The following PLCB4 variants were observed in gnomAD, a reference collection of about 807,000 sequenced individuals.
PLCB4 encodes the protein 1-phosphatidylinositol 4,5-bisphosphate phosphodiesterase beta-4.
A neutral mutation model predicts 178.8 loss-of-function variants in PLCB4; 77 were observed. The observed-to-expected ratio is 0.43, with a 90% confidence interval of 0.36 to 0.52. The LOEUF (loss-of-function observed/expected upper bound fraction) is 0.52, where lower values mean the gene tolerates loss of function less well. PLCB4 is among the 20% of genes least tolerant of loss of function. PLCB4 has a pLI of 0.00. For missense variants in PLCB4, 1,024 were observed against 1,453.4 expected, an observed-to-expected ratio of 0.70 and a Z score of 4.80; for synonymous variants, 496 against 490.8, an observed-to-expected ratio of 1.01 and a Z score of -0.14.
chr20:9,300,504 C>A (rs1174985167), intron 3 of PLCB4, among the ~76,000 whole-genome samples: 1 of 152,070 alleles, frequency 6.6e-6, no homozygotes. Context: ...ATGAAGAACA[C>A]CTTGTTTGGC....
chr20:9,301,607 G>A (rs146378414), intron 3 of PLCB4, among the ~76,000 whole-genome samples: 16 of 152,196 alleles, frequency 1.1e-4, no homozygotes, highest in South Asian at 4.1e-4. Context: ...CACCCCAACC[G>A]AATGGATAGA....
intron 2 of PLCB4, among the ~76,000 whole-genome samples, chr20:9,142,366 G>C (rs1325348044): frequency 6.6e-6 from 1 of 152,144 alleles, no homozygotes; most frequent in Admixed American, 6.5e-5. Flanking sequence ...ATTGGAAATG[G>C]ATGGTCACGC....
chr20:9,091,492 C>T (rs1273552260), intron 1 of PLCB4, among the ~76,000 whole-genome samples: 1 of 151,896 alleles, frequency 6.6e-6, no homozygotes, highest in Non-Finnish European at 1.5e-5. Flanking sequence ...CAGCATTGTA[C>T]AGCAGAAATG....
Position 9,457,470 on chromosome 20 carries a change from C to T in PLCB4, c.3053C>T (p.Thr1018Ile). ...ACAGAAATCAAAATTCAGACGCTGA[C>T]ATCAGATCACAAATCTAAGGTAAGA... is the stretch of plus-strand genomic sequence containing the variant. ...KETEIKIQTLTSDHKSKVKEI... is the reference protein window; with the variant it reads ...KETEIKIQTLISDHKSKVKEI... Residue 1018 changes from threonine to isoleucine, a missense_variant, in exon 34 of 40, where the codon ACA becomes ATA. By Grantham distance (89) the Thr-to-Ile change is moderately conservative. This residue lies in a region of PLCB4 where 264 missense variants were observed against 283.2 expected (regional missense o/e 0.93). Coordinates refer to ENST00000378473, the MANE Select transcript of PLCB4 (RefSeq NM_001377142.1). 1.3e-6 allele frequency: 2 copies of T among 1,514,436 alleles called. No homozygotes were observed. The highest frequency in any genetic ancestry group is 1.8e-6 in the Non-Finnish European group (2 of 1,089,288). 93.8% of individuals were successfully genotyped at this position (1,514,436 alleles called of 1,614,324 possible).
chr20:9,406,730 C>T (rs1735281540), intron 21 of PLCB4, among the ~76,000 whole-genome samples: 1 of 152,136 alleles, frequency 6.6e-6, no homozygotes, highest in Non-Finnish European at 1.5e-5. Flanking sequence ...CTCCTGACCT[C>T]ATGATCCACC....
chr20:9,345,254 T>TC (rs1409295674), intron 7 of PLCB4, among the ~76,000 whole-genome samples: 1 of 152,048 alleles, frequency 6.6e-6, no homozygotes, highest in Non-Finnish European at 1.5e-5. Flanking sequence ...GAAATAAAGC[T>TC]CTTTTTTTTT....
intron 3 of PLCB4, among the ~76,000 whole-genome samples, chr20:9,276,916 G>A (rs1478145500): frequency 3.3e-5 from 5 of 152,056 alleles, no homozygotes; most frequent in Non-Finnish European, 7.4e-5. Context: ...CAGCCTGGGT[G>A]ACAGAGCAAG....
chr20:9,414,573 T>C (rs1205241537), intron 25 of PLCB4, among the ~76,000 whole-genome samples: 1 of 152,206 alleles, frequency 6.6e-6, no homozygotes, highest in Non-Finnish European at 1.5e-5. Flanking sequence ...CTGTTTTATA[T>C]AGAACATCAG....
intron 2 of PLCB4, among the ~76,000 whole-genome samples, chr20:9,148,162 G>A (rs1236002495): frequency 1.3e-5 from 2 of 152,102 alleles, no homozygotes; most frequent in Non-Finnish European, 2.9e-5. Context: ...AGTCGTGAAG[G>A]AGACAGTCCC....
intron 2 of PLCB4, among the ~76,000 whole-genome samples, chr20:9,177,012 A>G (rs897722264): frequency 1.3e-5 from 2 of 152,150 alleles, no homozygotes; most frequent in Admixed American, 1.3e-4. Flanking sequence ...AGGAGCAACA[A>G]TGATGGACTG....
chr20:9,225,832 T>C (rs1402844759), intron 3 of PLCB4, among the ~76,000 whole-genome samples: 3 of 152,200 alleles, frequency 2.0e-5, no homozygotes, highest in Non-Finnish European at 4.4e-5. Context: ...CAATAAAATG[T>C]TTAAAGTTAT....
chr20:9,281,997 GC>G (rs1288422533), intron 3 of PLCB4, among the ~76,000 whole-genome samples: 6 of 151,906 alleles, frequency 3.9e-5, no homozygotes, highest in Non-Finnish European at 8.8e-5. Context: ...ATAAAATCCA[GC>G]TGCCCTCACT....
rs533280941 is a variant in PLCB4 at position 9,077,758 on chromosome 20, A to C, written c.-135+8552A>C. Among the ~76,000 whole-genome samples the C allele has an allele frequency of 2.6e-5, 4 of 152,346 alleles. No individual in the cohort carries two copies. The East Asian group carries it at 5.8e-4, about 22-fold the overall frequency. ...TTGTTAGAGAAGTGAGGTGGTCCAC[A>C]GCCAACACAGACAGATCAGACGTTG... On this transcript the variant is annotated intron_variant, in intron 1 of 39. Coordinates refer to ENST00000378473, the MANE Select transcript of PLCB4 (RefSeq NM_001377142.1).
rs542346937 is a variant in PLCB4, at chr20:9,480,341, G to A, written c.*1332G>A. On this transcript the variant is annotated 3_prime_UTR_variant, in exon 40 of 40. Coordinates refer to ENST00000378473, the MANE Select transcript of PLCB4 (RefSeq NM_001377142.1). ...ATCAGATTACTGATTTTAGGGCACA[G>A]CACCAGATGAATTGTTGTATATGCT... 2.9e-4 allele frequency: 45 copies of A among 152,698 alleles called. No homozygotes were observed. Among genetic ancestry groups the A allele is most frequent in the African/African-American group, 9.6e-4 (40 of 41,540 alleles). The allele number at this position is 152,698 out of a possible 1,614,324, so 9.5% of individuals were successfully genotyped here. A position where few individuals can be genotyped will look rare whatever the true frequency, so the allele number is the denominator to read the frequency against.
chr20:9,321,718 C>G (rs1021101565), intron 4 of PLCB4, among the ~76,000 whole-genome samples: 2 of 152,122 alleles, frequency 1.3e-5, no homozygotes, highest in Non-Finnish European at 2.9e-5. Context: ...ACTGAAACCT[C>G]TGCCCCCCAA....
At chr20:9,215,781 T>A (rs924299675) in intron 2 of PLCB4, among the ~76,000 whole-genome samples, 1 of 152,242 alleles carries the variant, frequency 6.6e-6, no homozygotes, top group Admixed American at 6.5e-5. Flanking sequence ...CAGTGTTTCT[T>A]GTTTTCCCTC....
At chr20:9,361,473 T>A (rs1327042580) in intron 7 of PLCB4, among the ~76,000 whole-genome samples, 1 of 152,096 alleles carries the variant, frequency 6.6e-6, no homozygotes, top group African/African-American at 2.4e-5. Context: ...TATTTATCAA[T>A]GGCTGGGAGG....
rs111793953 is a variant in PLCB4 at position 9,108,867 on chromosome 20, A to C, written c.-79+12525A>C. ...AAAGCCAATTGCAGGAGAGAGATAC[A>C]GAGTGATGAGAGAGAGAGGAAGAGA... On this transcript the variant is annotated intron_variant, in intron 2 of 39. Transcript: ENST00000378473. 2.9e-3 allele frequency among the ~76,000 whole-genome samples: 433 copies of C among 149,120 alleles called. 1 individual carries two copies. The highest frequency in any genetic ancestry group is 0.01 in the African/African-American group (415 of 40,120).
chr20:9,424,079 C>T, intron 28 of PLCB4, 127 bp downstream of exon 28: 2 of 659,666 alleles, frequency 3.0e-6, no homozygotes, highest in Non-Finnish European at 5.3e-6. Flanking sequence ...GCTGCCAACC[C>T]TGATTACCTT....
Sources: gnomAD v4.1 joint callset for allele counts (sites outside exome capture counted in the v4.1 genomes callset) on GRCh38, gnomAD v4.1.1 for gene constraint, gnomAD v4.1.1 regional missense constraint, MANE v1.5 for transcripts, NCBI Gene and HGNC (gene_info 2026-07-23, HGNC 2026-07-21) for gene names.